IFI44L: variants seen among roughly 807,000 people sequenced by gnomAD.
IFI44L encodes the protein interferon induced protein 44 like.
In IFI44L, 40 loss-of-function variants were observed where a neutral mutation model predicts 39.3. The ratio of observed to expected loss-of-function variants is 1.02; its 90% CI spans 0.79 to 1.33. The LOEUF is 1.33. Among genes scored for constraint, IFI44L ranks in the 40% most tolerant of loss-of-function variants. IFI44L has a pLI of 0.00. For missense variants in IFI44L, 623 were observed against 549.0 expected (o/e 1.13, Z -1.35); for synonymous variants, 198 against 182.3 (o/e 1.09, Z -0.69).
chr1:78,630,587 A>C (rs1278875468), intron 4 of IFI44L, among the ~76,000 whole-genome samples: 1 of 152,188 alleles, frequency 6.6e-6, no homozygotes, highest in Non-Finnish European at 1.5e-5. Flanking sequence ...GAAAGAATAG[A>C]AAATTTTAGA....
Position 78,645,528 on chromosome 1 carries a change from C to A in IFI44L, c.*3719C>A, listed in dbSNP as rs1050370082. ...TTTTGACGCAAATTGATAGGGGGGC[C>A]AAGTAAGCCCCATATGCTTAATGAT... is the stretch of plus-strand genomic sequence containing the variant. On this transcript the variant is annotated 3_prime_UTR_variant, in exon 9 of 9. Transcript: ENST00000370751. The A allele has an allele frequency of 6.6e-6, 1 of 152,054 alleles. No homozygotes were observed. Among genetic ancestry groups the A allele is most frequent in the African/African-American group, 2.4e-5 (1 of 41,374 alleles). The allele number at this position is 152,054 out of a possible 1,614,324, so 9.4% of individuals were successfully genotyped here. A position where few individuals can be genotyped will look rare whatever the true frequency, so the allele number is the denominator to read the frequency against.
chr1:78,626,418 AT>A (rs1652489302), intron 1 of IFI44L: 1 of 151,988 alleles, frequency 6.6e-6, no homozygotes, highest in African/African-American at 2.4e-5. Flanking sequence ...GTTTTCTATC[AT>A]GTTGTTTCAT....
rs561365149 is a variant in IFI44L at position 78,642,843 on chromosome 1, C to T, written c.*1034C>T. The T allele has an allele frequency of 3.3e-5, 5 of 152,180 alleles. No homozygotes were observed. In the South Asian group the frequency reaches 6.2e-4, roughly 19 times the overall value. The allele number at this position is 152,180 out of a possible 1,614,324, so 9.4% of individuals were successfully genotyped here. On this transcript the variant is annotated 3_prime_UTR_variant, in exon 9 of 9. Coordinates refer to ENST00000370751, the MANE Select transcript of IFI44L (RefSeq NM_006820.4). ...TAATTGAATTCCAAATCATCCTAGCCATGTGTCCTTCCATTTAGGTTACTG... is the reference window on the plus strand; with the variant it reads ...TAATTGAATTCCAAATCATCCTAGCTATGTGTCCTTCCATTTAGGTTACTG...
chr1:78,631,459 C>T (rs1652747245), intron 4 of IFI44L: 1 of 152,164 alleles, frequency 6.6e-6, no homozygotes, highest in African/African-American at 2.4e-5. Context: ...AAGTCATAGA[C>T]TGTTCTCTCC....
intron 3 of IFI44L, 57 bp downstream of exon 3, chr1:78,629,056 G>T: frequency 1.9e-6 from 2 of 1,042,092 alleles, no homozygotes; most frequent in Non-Finnish European, 1.5e-6. Context: ...ATTGTATAAA[G>T]AATGCTGACA....
chr1:78,641,087 T>C lies in IFI44L; in HGVS notation c.1115T>C (p.Leu372Ser). 1.2e-6 allele frequency: 2 copies of C among 1,612,746 alleles called. No homozygotes were observed. Among genetic ancestry groups the C allele is most frequent in the Middle Eastern group, 1.7e-4 (1 of 6,042 alleles). Reference sequence around the variant, plus strand: ...AGTGAGGTTCTTCAAGACAACTTTTTAAACATGAGTAGATCTATGACTTCT... The same window carrying C: ...AGTGAGGTTCTTCAAGACAACTTTTCAAACATGAGTAGATCTATGACTTCT... ...DCSEVLQDNF[L>S]NMSRSMTSQS... The change falls in exon 7 of 9, where the codon TTA becomes TCA. Residue 372 changes from leucine to serine, a missense_variant. Coordinates refer to ENST00000370751, the MANE Select transcript of IFI44L (RefSeq NM_006820.4).
In IFI44L at chr1:78,628,365, T is replaced by C; in HGVS notation, c.450T>C (p.Tyr150=). The change falls in exon 2 of 9, where the codon TAT becomes TAC. Residue 150 remains tyrosine (Y), a synonymous_variant. Coordinates refer to ENST00000370751, the MANE Select transcript of IFI44L (RefSeq NM_006820.4). ...LKLRFYGHRQ[Y]LECEVFRVEG... is the part of the protein sequence containing the mutation. ...TAAGGTTTTATGGCCACCGTCAGTATTTGGAATGTGAAGTTTTTCGAGTTG... is the reference window on the plus strand; with the variant it reads ...TAAGGTTTTATGGCCACCGTCAGTACTTGGAATGTGAAGTTTTTCGAGTTG... 3 of 1,574,748 alleles carry C rather than the reference T, an allele frequency of 1.9e-6. No homozygotes were observed. The highest frequency in any genetic ancestry group is 2.6e-6 in the Non-Finnish European group (3 of 1,163,436).
rs4650590 is a variant in IFI44L, at chr1:78,644,833, A to G, written c.*3024A>G. The G allele has an allele frequency of 0.34, 51,240 of 152,060 alleles. 9,433 individuals carry two copies. Among genetic ancestry groups the G allele is most frequent in the East Asian group, 0.68 (3,543 of 5,178 alleles). The allele number at this position is 152,060 out of a possible 1,614,324, so 9.4% of individuals were successfully genotyped here. On this transcript the variant is annotated 3_prime_UTR_variant, in exon 9 of 9. Transcript: ENST00000370751. ...TGTTGTGGAGACAGTTGAAATGTCA[A>G]TGCTAGAGCCTCTGTGGTGTGAATG...
At position 78,641,476 on chromosome 1, in the gene IFI44L, T is replaced by C; in HGVS notation, c.1191T>C (p.Asn397=). The change falls in exon 8 of 9, where the codon AAT becomes AAC. Residue 397 remains asparagine (N), a synonymous_variant. Transcript: ENST00000370751. ...AAATGCTAGGCATTCCTATTTCCAA[T>C]ATTTTGATGGTTGGAAATTATGCTT... ...VHKMLGIPIS[N]ILMVGNYASD... is the part of the protein sequence containing the mutation. 6.2e-7 allele frequency: 1 copy of C among 1,613,520 alleles called. No individual in the cohort carries two copies. Among genetic ancestry groups the C allele is most frequent in the Non-Finnish European group, 8.5e-7 (1 of 1,179,584 alleles).
At chr1:78,623,919 C>CT in intron 1 of IFI44L, among the ~76,000 whole-genome samples, 1 of 152,226 alleles carries the variant, frequency 6.6e-6, no homozygotes, top group East Asian at 1.9e-4. Flanking sequence ...CATGTTGGAT[C>CT]TTTTTTATGC....
At chr1:78,621,879 C>G (rs1284627966) in intron 1 of IFI44L, among the ~76,000 whole-genome samples, 1 of 151,996 alleles carries the variant, frequency 6.6e-6, no homozygotes, top group East Asian at 1.9e-4. Flanking sequence ...ATGATCAAGT[C>G]AGGGTATTTG....
rs1359225810 is a variant in IFI44L, at chr1:78,643,162, T to TTTTTTTTTTTTTTTTTTTTTGAGACG, written c.*1353_*1354insTTTTTTTTTTTTTTTTTTTTGAGACG. On this transcript the variant is annotated 3_prime_UTR_variant, in exon 9 of 9. Transcript: ENST00000370751. ...ATATTAAGAAAGCAAGAGTTTCTTA[T>TTTTTTTTTTTTTTTTTTTTTGAGACG]GTCCAGTTATGGAATATTTCCTAAA... is the stretch of plus-strand genomic sequence containing the variant. 58 of 151,922 alleles carry TTTTTTTTTTTTTTTTTTTTTGAGACG rather than the reference T, an allele frequency of 3.8e-4. No homozygotes were observed. Among genetic ancestry groups the TTTTTTTTTTTTTTTTTTTTTGAGACG allele is most frequent in the Non-Finnish European group, 6.3e-4 (43 of 67,938 alleles). 9.4% of individuals were successfully genotyped at this position (151,922 alleles called of 1,614,324 possible).
At position 78,645,012 on chromosome 1, in the gene IFI44L, A is replaced by T. The variant is rs1201656129; in HGVS notation, c.*3203A>T. The T allele has an allele frequency of 6.6e-6, 1 of 152,186 alleles. No homozygotes were observed. Among genetic ancestry groups the T allele is most frequent in the Non-Finnish European group, 1.5e-5 (1 of 68,042 alleles). 9.4% of individuals were successfully genotyped at this position (152,186 alleles called of 1,614,324 possible). A position where few individuals can be genotyped will look rare whatever the true frequency, so the allele number is the denominator to read the frequency against. ...AGGTATGCAGGCCCAGAGAGACATA[A>T]GTATGTTCCTTTAGTCTTGCTTCCT... On this transcript the variant is annotated 3_prime_UTR_variant, in exon 9 of 9. Coordinates refer to ENST00000370751, the MANE Select transcript of IFI44L (RefSeq NM_006820.4).
chr1:78,641,267 C>A, intron 7 of IFI44L, 146 bp downstream of exon 7: 1 of 878,720 alleles, frequency 1.1e-6, no homozygotes. Context: ...TTGATTAATT[C>A]AAATTTATAT....
In IFI44L at chr1:78,627,931, A is replaced by C. The variant is rs773978644; in HGVS notation, c.16A>C (p.Arg6=). 1.9e-6 allele frequency: 3 copies of C among 1,596,650 alleles called. No homozygotes were observed. The African/African-American group carries it at 4.0e-5, about 22-fold the overall frequency. ...ATATAGAACAATGGAAGTGACAACA[A>C]GATTGACATGGAATGATGAAAATCA... MEVTT[R]LTWNDENHLR... The change falls in exon 2 of 9, where the codon AGA becomes CGA. Residue 6 remains arginine (R), a synonymous_variant. Coordinates refer to ENST00000370751, the MANE Select transcript of IFI44L (RefSeq NM_006820.4).
At chr1:78,640,521 A>T (rs912019623) in intron 6 of IFI44L, among the ~76,000 whole-genome samples, 3 of 152,158 alleles carry the variant, frequency 2.0e-5, no homozygotes, top group Admixed American at 6.6e-5. Flanking sequence ...TATTTTCCTC[A>T]TAAGCAGTTG....
chr1:78,621,759 A>G (rs926593272), intron 1 of IFI44L, among the ~76,000 whole-genome samples: 6 of 151,968 alleles, frequency 3.9e-5, no homozygotes, highest in Non-Finnish European at 8.8e-5. Flanking sequence ...GGTTTTACAC[A>G]ATAACTTAAA....
At chr1:78,622,807 A>G (rs937065354) in intron 1 of IFI44L, among the ~76,000 whole-genome samples, 34 of 152,202 alleles carry the variant, frequency 2.2e-4, no homozygotes, top group African/African-American at 8.2e-4. Context: ...TGGAGTTCTC[A>G]TATCTACAAC....
In IFI44L at chr1:78,643,454, G is replaced by A; in HGVS notation, c.*1645G>A. 1 of 152,054 alleles carries A rather than the reference G, an allele frequency of 6.6e-6. No individual in the cohort carries two copies. The highest frequency in any genetic ancestry group is 6.6e-5 in the Admixed American group (1 of 15,254). The allele number at this position is 152,054 out of a possible 1,614,324, so 9.4% of individuals were successfully genotyped here. A position where few individuals can be genotyped will look rare whatever the true frequency, so the allele number is the denominator to read the frequency against. ...AGAGAAAGAGTTTAATAATTGAATG[G>A]CAGAAAAATGAGGAAGGTTGAGGAA... On this transcript the variant is annotated 3_prime_UTR_variant, in exon 9 of 9. Coordinates refer to ENST00000370751, the MANE Select transcript of IFI44L (RefSeq NM_006820.4).
Sources: gnomAD v4.1 joint callset for allele counts (sites outside exome capture counted in the v4.1 genomes callset) on GRCh38, gnomAD v4.1.1 for gene constraint, MANE v1.5 for transcripts, NCBI Gene and HGNC (gene_info 2026-07-23, HGNC 2026-07-21) for gene names.